The following TAF12 variants were observed in gnomAD, a reference collection of about 807,000 sequenced individuals.
TAF12 encodes the protein TATA-box binding protein associated factor 12.
TAF12 carries 3 observed loss-of-function variants against 20.8 expected under a neutral mutation model. The observed-to-expected ratio is 0.14, with a 90% CI of 0.07 to 0.37. The LOEUF is 0.37. TAF12 is among the 10% of genes least tolerant of loss of function. TAF12 has a pLI of 1.00. For synonymous variants in TAF12, 69 were observed against 70.2 expected, an observed-to-expected ratio of 0.98 and a Z score of 0.09; for missense variants, 131 against 197.9, an observed-to-expected ratio of 0.66 and a Z score of 2.03.
intron 2 of TAF12, among the ~76,000 whole-genome samples, chr1:28,619,191 T>TA (rs894869786): frequency 2.7e-5 from 4 of 149,292 alleles, no homozygotes; most frequent in South Asian, 2.1e-4. Flanking sequence ...CATCTCTATT[T>TA]AAAAAAAACA....
Position 28,639,051 on chromosome 1 carries a change from C to T in TAF12, c.-85+3941G>A, listed in dbSNP as rs552304283. Reference sequence around the variant, plus strand: ...CGGCCTCCCAAAGTGCTGGGATTACCGGCGTGAGCCACCACGCCCGGCTGG... The same window carrying T: ...CGGCCTCCCAAAGTGCTGGGATTACTGGCGTGAGCCACCACGCCCGGCTGG... On this transcript the variant is annotated intron_variant, in intron 1 of 5. Coordinates refer to ENST00000373824, the MANE Select transcript of TAF12 (RefSeq NM_005644.4). 2.8e-4 allele frequency among the ~76,000 whole-genome samples: 43 copies of T among 151,408 alleles called. No homozygotes were observed. In the Middle Eastern group the frequency reaches 0.017, roughly 60 times the overall value.
In TAF12 at chr1:28,607,488, T is replaced by C. The variant is rs535950731; in HGVS notation, c.362-2028A>G. On this transcript the variant is annotated intron_variant, in intron 4 of 5. Transcript: ENST00000373824. ...GAGCTCAAGACCAGTCTGGCCAACA[T>C]GGTGAAACCTGGTGTCTACTAAAAA... Among the ~76,000 whole-genome samples, 4 of 152,246 alleles carry C rather than the reference T, an allele frequency of 2.6e-5. No individual in the cohort carries two copies. In the South Asian group the frequency reaches 8.3e-4, roughly 32 times the overall value.
chr1:28,641,990 A>T (rs1055394765), intron 1 of TAF12, among the ~76,000 whole-genome samples: 1 of 152,138 alleles, frequency 6.6e-6, no homozygotes, highest in African/African-American at 2.4e-5. Context: ...AATGTAAAAT[A>T]GGAGTTTTTA....
At chr1:28,623,864 T>G (rs1219373326) in intron 1 of TAF12, 2 of 649,772 alleles carry the variant, frequency 3.1e-6, no homozygotes, top group Non-Finnish European at 3.8e-6. Context: ...TGAGGCTGAC[T>G]CTGTGGACGT....
chr1:28,643,058 CG>C lies in TAF12; in HGVS notation c.-152del. 1 of 985,906 alleles carries C rather than the reference CG, an allele frequency of 1.0e-6. No homozygotes were observed. 61.1% of individuals were successfully genotyped at this position (985,906 alleles called of 1,614,324 possible). ...CCAGTGAAGCGTTCGTCTCAGCAGC[CG>C]GTCCGACTGCGCGGCCCTCCCCGAC... On this transcript the variant is annotated 5_prime_UTR_variant, in exon 1 of 6. Transcript: ENST00000373824.
intron 3 of TAF12, among the ~76,000 whole-genome samples, chr1:28,617,453 CTT>C (rs1332175123): frequency 5.6e-5 from 8 of 141,976 alleles, no homozygotes; most frequent in Non-Finnish European, 4.6e-5. Context: ...AATTTTTTTT[CTT>C]TTTTTTTTTT....
intron 1 of TAF12, among the ~76,000 whole-genome samples, chr1:28,635,163 G>A (rs567578807): frequency 3.3e-3 from 494 of 149,888 alleles, no homozygotes; most frequent in Non-Finnish European, 6.4e-3. Context: ...CCGGGAGGTG[G>A]AGCTTGCAGT....
intron 3 of TAF12, 109 bp from the exon 4 acceptor site, chr1:28,613,470 A>G: frequency 1.1e-6 from 1 of 881,662 alleles, no homozygotes; most frequent in Non-Finnish European, 1.7e-6. Flanking sequence ...GCATTCTAGT[A>G]GAAGGCTGGA....
In TAF12 at chr1:28,634,153, C is replaced by T. The variant is rs1001815338; in HGVS notation, c.-85+8839G>A. Among the ~76,000 whole-genome samples the T allele has an allele frequency of 6.6e-5, 10 of 151,942 alleles. No individual in the cohort carries two copies. In the South Asian group the frequency reaches 1.2e-3, roughly 19 times the overall value. ...TTAACTGGCCGGGCACAGTGGCTCACGCCTGTAATCTCCACACTTTGGGAG... is the reference window on the plus strand; with the variant it reads ...TTAACTGGCCGGGCACAGTGGCTCATGCCTGTAATCTCCACACTTTGGGAG... On this transcript the variant is annotated intron_variant, in intron 1 of 5. Coordinates refer to ENST00000373824, the MANE Select transcript of TAF12 (RefSeq NM_005644.4).
chr1:28,634,274 G>A (rs1455532644), intron 1 of TAF12, among the ~76,000 whole-genome samples: 2 of 151,750 alleles, frequency 1.3e-5, no homozygotes, highest in Non-Finnish European at 2.9e-5. Flanking sequence ...AAATTAGCCA[G>A]GCGTGGTGGC....
At chr1:28,608,221 T>G (rs1457165737) in intron 4 of TAF12, among the ~76,000 whole-genome samples, 1 of 148,468 alleles carries the variant, frequency 6.7e-6, no homozygotes, top group Non-Finnish European at 1.5e-5. Flanking sequence ...GGCGGGCGCC[T>G]GTAGTCCCAG....
At chr1:28,623,091 C>A (rs138382675) in intron 1 of TAF12, among the ~76,000 whole-genome samples, 37 of 152,120 alleles carry the variant, frequency 2.4e-4, no homozygotes, top group South Asian at 8.3e-4. Context: ...GCATGTGGTC[C>A]TAGCTACTCA....
At chr1:28,614,191 T>A (rs897384312) in intron 3 of TAF12, among the ~76,000 whole-genome samples, 1 of 151,634 alleles carries the variant, frequency 6.6e-6, no homozygotes, top group Non-Finnish European at 1.5e-5. Context: ...TGAGCTAAGA[T>A]CGTGACACTG....
intron 5 of TAF12, 44 bp downstream of exon 5, chr1:28,605,328 A>G (rs749203868): frequency 1.2e-6 from 2 of 1,603,884 alleles, no homozygotes; most frequent in African/African-American, 2.7e-5. Context: ...ACGTAACTCA[A>G]GGAATCAGCC....
At chr1:28,634,915 G>A (rs1038540732) in intron 1 of TAF12, among the ~76,000 whole-genome samples, 5 of 139,742 alleles carry the variant, frequency 3.6e-5, no homozygotes, top group Non-Finnish European at 7.7e-5. Context: ...GGCAACAAGA[G>A]CAAAACTCCA....
chr1:28,622,450 C>T (rs1014321042), intron 1 of TAF12, among the ~76,000 whole-genome samples: 14 of 151,302 alleles, frequency 9.3e-5, no homozygotes, highest in Admixed American at 2.6e-4. Flanking sequence ...CATTTAATAT[C>T]CACAGGTTAA....
chr1:28,625,986 CT>C (rs1234091351), intron 1 of TAF12, among the ~76,000 whole-genome samples: 98 of 142,280 alleles, frequency 6.9e-4, no homozygotes, highest in East Asian at 1.3e-3. Context: ...AGCCCCGTCT[CT>C]TTTTTTTTTT....
chr1:28,638,449 A>G (rs1167805315), intron 1 of TAF12, among the ~76,000 whole-genome samples: 1 of 148,928 alleles, frequency 6.7e-6, no homozygotes, highest in Non-Finnish European at 1.5e-5. Flanking sequence ...TCGGCCTCCC[A>G]AAGTGCTGGG....
intron 1 of TAF12, among the ~76,000 whole-genome samples, chr1:28,636,629 A>G (rs920568491): frequency 1.3e-5 from 2 of 151,672 alleles, no homozygotes; most frequent in Non-Finnish European, 2.9e-5. Context: ...GTCACTACAA[A>G]TAAAAAAAAA....
Sources: gnomAD v4.1 joint callset for allele counts (sites outside exome capture counted in the v4.1 genomes callset) on GRCh38, gnomAD v4.1.1 for gene constraint, MANE v1.5 for transcripts, NCBI Gene and HGNC (gene_info 2026-07-23, HGNC 2026-07-21) for gene names.